ADGRE5: variants seen among roughly 807,000 people sequenced by gnomAD.
ADGRE5 encodes adhesion G protein-coupled receptor E5.
In ADGRE5, 72 loss-of-function variants were observed where a neutral mutation model predicts 100.3. The observed-to-expected ratio is 0.72, with a 90% CI of 0.59 to 0.87. ADGRE5 has a LOEUF of 0.87. ADGRE5 is among the 40% of genes least tolerant of loss of function. The pLI is 0.00. For missense variants in ADGRE5, 959 were observed against 1,094.7 expected (o/e 0.88, Z 1.75); for synonymous variants, 439 against 447.8 (o/e 0.98, Z 0.25).
rs761851309 is a variant in ADGRE5, at chr19:14,381,510, C to T, written c.-14C>T. ...TCACTCTTTCCCCTGCCGCTCCTGC[C>T]GGCAGCTCCAACCATGGGAGGCCGC... On this transcript the variant is annotated 5_prime_UTR_variant, in exon 1 of 20. Coordinates refer to ENST00000242786, the MANE Select transcript of ADGRE5 (RefSeq NM_078481.4). 1.2e-6 allele frequency: 2 copies of T among 1,610,198 alleles called. No homozygotes were observed. The highest frequency in any genetic ancestry group is 1.1e-5 in the South Asian group (1 of 90,978).
At chr19:14,388,383 C>T in intron 1 of ADGRE5, 67 bp from the exon 2 acceptor site, 6 of 1,481,800 alleles carry the variant, frequency 4.0e-6, no homozygotes, top group Non-Finnish European at 5.4e-6. Flanking sequence ...CCACAAAGTG[C>T]ATCACCCTTA....
chr19:14,408,040 C>T (rs781309744), intron 19 of ADGRE5, 31 bp downstream of exon 19: 38 of 1,613,850 alleles, frequency 2.4e-5, no homozygotes, highest in Non-Finnish European at 3.2e-5. Flanking sequence ...CGGGTGTGGG[C>T]AGGAAGGCAC....
At chr19:14,407,820 A>G in intron 18 of ADGRE5, 88 bp from the exon 19 acceptor site, 1 of 1,122,452 alleles carries the variant, frequency 8.9e-7, no homozygotes, top group Non-Finnish European at 1.3e-6. Context: ...AAAAACACCA[A>G]GAAGGTGGGG....
rs1280460860 is a variant in ADGRE5, at chr19:14,391,060, G to A, written c.327G>A (p.Glu109=). ...PVSGAKTFKN[E]SENTCQDVDE... ...CTGGGGCAAAAACATTCAAGAATGA[G>A]AGCGAGAACACCTGTCAAGGTAAGA... Residue 109 remains glutamate, a synonymous_variant, in exon 4 of 20, where the codon GAG becomes GAA. Transcript: ENST00000242786. 8 of 1,614,116 alleles carry A rather than the reference G, an allele frequency of 5.0e-6. No individual in the cohort carries two copies. The African/African-American group carries it at 1.1e-4, about 22-fold the overall frequency.
chr19:14,404,422 T>C lies in ADGRE5; in HGVS notation c.1489T>C (p.Phe497Leu). 6.2e-7 allele frequency: 1 copy of C among 1,611,828 alleles called. No individual in the cohort carries two copies. The change falls in exon 13 of 20, where the codon TTC (phenylalanine) becomes CTC (leucine). Residue 497 changes from phenylalanine to leucine, a missense_variant. Phe to Leu is a conservative substitution (Grantham distance 22). Around this residue, in one of 6 missense-constraint regions of ADGRE5, gnomAD observed 246 missense variants for 242.2 expected, o/e 1.02. Coordinates refer to ENST00000242786, the MANE Select transcript of ADGRE5 (RefSeq NM_078481.4). ...GCCACGGCAGGAGCTGCTCTGTGCC[T>C]TCTGGAAGAGTGACAGCGACAGGGG... ...PGPRQELLCA[F>L]WKSDSDRGGH...
intron 1 of ADGRE5, among the ~76,000 whole-genome samples, chr19:14,388,227 C>CA (rs1046759526): frequency 0.012 from 1,645 of 142,420 alleles, 15 homozygotes; most frequent in Non-Finnish European, 0.016. Flanking sequence ...GAGCCTGTGT[C>CA]AAAAAAAAAA....
rs905352179 is a variant in ADGRE5 at position 14,402,738 on chromosome 19, T to G, written c.1325T>G (p.Leu442Arg). Residue 442 changes from leucine (L) to arginine (R), a missense_variant, in exon 12 of 20, where the codon CTC (leucine) becomes CGC (arginine). By Grantham distance (102) the Leu-to-Arg change is moderately radical. This residue lies in a region of ADGRE5 where 246 missense variants were observed against 242.2 expected (regional missense o/e 1.02). Coordinates refer to ENST00000242786, the MANE Select transcript of ADGRE5 (RefSeq NM_078481.4). The stretch of plus-strand genomic sequence containing the variant: ...ATCCGTGGTGTCCAACTCAGACGCC[T>G]CTCTGCCGTCAACTCCATCTTTCTG... ...SSIRGVQLRRLSAVNSIFLSH... is the reference protein window; with the variant it reads ...SSIRGVQLRRRSAVNSIFLSH... 2 of 1,614,086 alleles carry G rather than the reference T, an allele frequency of 1.2e-6. No homozygotes were observed. The highest frequency in any genetic ancestry group is 3.3e-5 in the Admixed American group (2 of 59,988).
In ADGRE5 at chr19:14,397,223, G is replaced by A. The variant is rs1232645717; in HGVS notation, c.625G>A (p.Asp209Asn). The change falls in exon 6 of 20, where the codon GAT (aspartate) becomes AAT (asparagine). Residue 209 changes from aspartate (D) to asparagine (N), a missense_variant and splice_region_variant. This residue lies in a region of ADGRE5 where 83 missense variants were observed against 88.8 expected (regional missense o/e 0.93). Transcript: ENST00000242786. ...PNGPNNTVCEDVDECSSGQHQ... is the reference protein window; with the variant it reads ...PNGPNNTVCENVDECSSGQHQ... Reference sequence around the variant, plus strand: ...TGGCCCAAACAATACCGTCTGTGAAGGTCGAGAGCTCAGATCCCACGTTTC... The same window carrying A: ...TGGCCCAAACAATACCGTCTGTGAAAGTCGAGAGCTCAGATCCCACGTTTC... 1.9e-6 allele frequency: 3 copies of A among 1,613,924 alleles called. No individual in the cohort carries two copies. In the African/African-American group the frequency reaches 4.0e-5, roughly 22 times the overall value.
In ADGRE5 at chr19:14,397,941, T is replaced by A. The variant is rs1975846607; in HGVS notation, c.819+6T>A. The A allele has an allele frequency of 7.2e-7, 1 of 1,380,446 alleles. No homozygotes were observed. The highest frequency in any genetic ancestry group is 1.0e-6 in the Non-Finnish European group (1 of 1,001,258). The allele number at this position is 1,380,446 out of a possible 1,614,324, so 85.5% of individuals were successfully genotyped here. A position where few individuals can be genotyped will look rare whatever the true frequency, so the allele number is the denominator to read the frequency against. On this transcript the variant is annotated splice_donor_region_variant and intron_variant, in intron 8 of 19. Transcript: ENST00000242786. ...CCCCTGGAGTCCACAGCCAGGTGAGTGGCCCCCACAGGGACGAGGCGGCGG... is the reference window on the plus strand; with the variant it reads ...CCCCTGGAGTCCACAGCCAGGTGAGAGGCCCCCACAGGGACGAGGCGGCGG...
intron 6 of ADGRE5, 69 bp downstream of exon 6, chr19:14,397,292 A>G: frequency 6.2e-7 from 1 of 1,606,960 alleles, no homozygotes; most frequent in South Asian, 1.1e-5. Flanking sequence ...CGGCGCCCAC[A>G]CAAACCAAGC....
intron 9 of ADGRE5, among the ~76,000 whole-genome samples, chr19:14,399,076 G>A (rs1975902554): frequency 6.6e-6 from 1 of 151,076 alleles, no homozygotes; most frequent in East Asian, 2.0e-4. Context: ...TGAACTCCTG[G>A]GCTTAAGTGA....
rs1199671494 is a variant in ADGRE5, at chr19:14,406,394, T to G, written c.1885T>G (p.Trp629Gly). The change falls in exon 15 of 20, where the codon TGG becomes GGG. Residue 629 changes from tryptophan (W) to glycine (G), a missense_variant. Trp to Gly is a radical substitution (Grantham distance 184, BLOSUM62 -2). Around this residue, in one of 6 missense-constraint regions of ADGRE5, gnomAD observed 428 missense variants for 386.2 expected, o/e 1.11. Transcript: ENST00000242786. The surrounding 1 kb of genome is among the most constrained non-coding windows in gnomAD (Gnocchi z 6.0). The stretch of plus-strand genomic sequence containing the variant: ...CTACTGTTTCCTGGCCGCCTTCTGC[T>G]GGATGAGCCTCGAAGGCCTGGAGCT... ...LHYCFLAAFC[W>G]MSLEGLELYF... The G allele has an allele frequency of 1.3e-6, 2 of 1,593,298 alleles. No homozygotes were observed.
At chr19:14,387,920 C>CA (rs1447177556) in intron 1 of ADGRE5, among the ~76,000 whole-genome samples, 1 of 151,694 alleles carries the variant, frequency 6.6e-6, no homozygotes, top group East Asian at 1.9e-4. Context: ...AGTAAAAATA[C>CA]AAAAAATTAG....
intron 4 of ADGRE5, among the ~76,000 whole-genome samples, chr19:14,393,865 A>G (rs1287177705): frequency 6.6e-6 from 1 of 152,150 alleles, no homozygotes; most frequent in Non-Finnish European, 1.5e-5. Context: ...GAGGAGACAG[A>G]GTCTTCATGT....
Position 14,408,007 on chromosome 19 carries a change from C to G in ADGRE5, c.2476C>G (p.Arg826Gly). ...TTSGTGHNQT[R>G]ALRASESGI Reference sequence around the variant, plus strand: ...GTCTGGCACTGGCCACAATCAGACCCGGGTAAGGGGCTGCGCCTGGGGCGG... The same window carrying G: ...GTCTGGCACTGGCCACAATCAGACCGGGGTAAGGGGCTGCGCCTGGGGCGG... The change falls in exon 19 of 20, where the codon CGG becomes GGG. Residue 826 changes from arginine to glycine, a missense_variant and splice_region_variant. Arg to Gly is a moderately radical substitution (Grantham distance 125, BLOSUM62 -2). This residue lies in a region of ADGRE5 where 428 missense variants were observed against 386.2 expected (regional missense o/e 1.11). Coordinates refer to ENST00000242786, the MANE Select transcript of ADGRE5 (RefSeq NM_078481.4). 1 of 1,614,114 alleles carries G rather than the reference C, an allele frequency of 6.2e-7. No individual in the cohort carries two copies. Among genetic ancestry groups the G allele is most frequent in the Admixed American group, 1.7e-5 (1 of 60,024 alleles).
intron 1 of ADGRE5, among the ~76,000 whole-genome samples, chr19:14,387,344 G>C (rs925186461): frequency 1.3e-5 from 2 of 152,022 alleles, no homozygotes; most frequent in African/African-American, 4.8e-5. Flanking sequence ...AGCCGAGCTC[G>C]GGAGGCTGAG....
At position 14,408,343 on chromosome 19, in the gene ADGRE5, G is replaced by A. The variant is rs115404220; in HGVS notation, c.*222G>A. ...TGGTCCTGCTGCTGGCTGCCTCTCTGCTCCACCTTGTGACCCAGGGTGGGG... is the reference window on the plus strand; with the variant it reads ...TGGTCCTGCTGCTGGCTGCCTCTCTACTCCACCTTGTGACCCAGGGTGGGG... On this transcript the variant is annotated 3_prime_UTR_variant, in exon 20 of 20. Transcript: ENST00000242786. 2.4e-3 allele frequency: 1,488 copies of A among 629,858 alleles called. 16 individuals carry two copies. In the African/African-American group the frequency reaches 0.024, roughly 10 times the overall value. 39.0% of individuals were successfully genotyped at this position (629,858 alleles called of 1,614,324 possible). A position where few individuals can be genotyped will look rare whatever the true frequency, so the allele number is the denominator to read the frequency against.
At chr19:14,383,672 A>C (rs986652392) in intron 1 of ADGRE5, among the ~76,000 whole-genome samples, 3 of 151,854 alleles carry the variant, frequency 2.0e-5, no homozygotes, top group Non-Finnish European at 2.9e-5. Flanking sequence ...CTTAGGGCTC[A>C]GCCCAGAGAA....
chr19:14,407,138 A>T lies in ADGRE5; in HGVS notation c.2285A>T (p.Asp762Val). 1 of 1,614,130 alleles carries T rather than the reference A, an allele frequency of 6.2e-7. No individual in the cohort carries two copies. Among genetic ancestry groups the T allele is most frequent in the South Asian group, 1.1e-5 (1 of 91,084 alleles). Residue 762 changes from aspartate (D) to valine (V), a missense_variant, in exon 18 of 20, where the codon GAT becomes GTT. This residue lies in a region of ADGRE5 where 428 missense variants were observed against 386.2 expected (regional missense o/e 1.11). Transcript: ENST00000242786. ...TWVFGLFIFD[D>V]RSLVLTYVFT... ...GTCTTTGGCCTGTTCATCTTCGACG[A>T]TCGGAGCTTGGTGCTGACCTATGTG...
Sources: gnomAD v4.1 joint callset for allele counts (sites outside exome capture counted in the v4.1 genomes callset) on GRCh38, gnomAD v4.1.1 for gene constraint, gnomAD v4.1.1 regional missense constraint, Gnocchi (gnomAD v3.1) non-coding constraint, MANE v1.5 for transcripts, NCBI Gene and HGNC (gene_info 2026-07-23, HGNC 2026-07-21) for gene names.